Variants in PCED1B observed in about 807,000 individuals in gnomAD.
PCED1B encodes the protein PC-esterase domain containing 1B.
For missense variants in PCED1B, 573 were observed against 573.9 expected, an observed-to-expected ratio of 1.00 and a Z score of 0.02; for synonymous variants, 251 against 246.1, an observed-to-expected ratio of 1.02 and a Z score of -0.19.
At chr12:47,098,269 G>A (rs548680940) in intron 1 of PCED1B, among the ~76,000 whole-genome samples, 62 of 152,230 alleles carry the variant, frequency 4.1e-4, no homozygotes, top group Middle Eastern at 3.4e-3. Flanking sequence ...CAGAAACTAC[G>A]GTCAGTGACT....
At position 47,228,358 on chromosome 12, in the gene PCED1B, G is replaced by A. The variant is rs560525807; in HGVS notation, c.-57-6649G>A. Reference sequence around the variant, plus strand: ...TCTTCTGAATTCAAGGTCTTTATGTGTTTTTATGTCTCTTGCTTGAGATTA... The same window carrying A: ...TCTTCTGAATTCAAGGTCTTTATGTATTTTTATGTCTCTTGCTTGAGATTA... On this transcript the variant is annotated intron_variant, in intron 3 of 3. Coordinates refer to ENST00000546455, the MANE Select transcript of PCED1B (RefSeq NM_138371.3). Among the ~76,000 whole-genome samples the A allele has an allele frequency of 1.2e-4, 19 of 152,126 alleles. No homozygotes were observed. The South Asian group carries it at 3.7e-3, about 30-fold the overall frequency.
intron 3 of PCED1B, among the ~76,000 whole-genome samples, chr12:47,232,563 C>T (rs1348661477): frequency 1.3e-5 from 2 of 152,052 alleles, no homozygotes; most frequent in Non-Finnish European, 2.9e-5. Flanking sequence ...AATTTCAAGC[C>T]GCACCGGATT....
At chr12:47,117,473 T>TTG (rs1192702289) in intron 2 of PCED1B, among the ~76,000 whole-genome samples, 2 of 152,216 alleles carry the variant, frequency 1.3e-5, no homozygotes, top group Admixed American at 6.5e-5. Flanking sequence ...ATGCGACAGT[T>TTG]TGCTCAGAAT....
In PCED1B at chr12:47,235,552, C is replaced by T. The variant is rs1943951644; in HGVS notation, c.489C>T (p.Asn163=). The change falls in exon 4 of 4, where the codon AAC becomes AAT. Residue 163 remains asparagine (N), a synonymous_variant. Coordinates refer to ENST00000546455, the MANE Select transcript of PCED1B (RefSeq NM_138371.3). The part of the protein sequence containing the change: ...VLPESCLLVW[N]TAMPVGEEVT... ...CCGAGTCTTGCCTCCTGGTGTGGAA[C>T]ACGGCCATGCCTGTGGGCGAGGAAG... 2 of 1,610,564 alleles carry T rather than the reference C, an allele frequency of 1.2e-6. No homozygotes were observed. Among genetic ancestry groups the T allele is most frequent in the Non-Finnish European group, 1.7e-6 (2 of 1,177,744 alleles).
intron 2 of PCED1B, among the ~76,000 whole-genome samples, chr12:47,120,999 G>T (rs868516695): frequency 6.6e-6 from 1 of 152,028 alleles, no homozygotes; most frequent in Non-Finnish European, 1.5e-5. Flanking sequence ...AAAAAATGGC[G>T]GTATAGAAAA....
At chr12:47,222,422 C>CAAA (rs750444043) in intron 3 of PCED1B, among the ~76,000 whole-genome samples, 4,602 of 81,268 alleles carry the variant, frequency 0.057, 344 homozygotes, top group African/African-American at 0.18. Context: ...AACTCCATCT[C>CAAA]AAAAAAAAAA....
rs149566121 is a variant in PCED1B, at chr12:47,169,311, C to T, written c.-525-46911C>T. On this transcript the variant is annotated intron_variant, in intron 2 of 3. Transcript: ENST00000546455. Reference sequence around the variant, plus strand: ...CAACATCCCTCCATCTTCCCATCTTCGGTGATAAAGGTGTCCTTCTCTCTG... The same window carrying T: ...CAACATCCCTCCATCTTCCCATCTTTGGTGATAAAGGTGTCCTTCTCTCTG... Among the ~76,000 whole-genome samples the T allele has an allele frequency of 4.2e-3, 645 of 152,230 alleles. 6 individuals carry two copies. Among genetic ancestry groups the T allele is most frequent in the African/African-American group, 0.013 (550 of 41,530 alleles).
chr12:47,205,502 G>T (rs1447310445), intron 2 of PCED1B, among the ~76,000 whole-genome samples: 2 of 152,162 alleles, frequency 1.3e-5, no homozygotes, highest in Non-Finnish European at 2.9e-5. Context: ...GCAAAGGGCT[G>T]TTACCGTCTT....
At chr12:47,198,280 T>C (rs545960832) in intron 2 of PCED1B, among the ~76,000 whole-genome samples, 42 of 152,238 alleles carry the variant, frequency 2.8e-4, no homozygotes, top group Non-Finnish European at 4.9e-4. Context: ...ATCAATAGGC[T>C]AAAGAAGAAA....
intron 2 of PCED1B, among the ~76,000 whole-genome samples, chr12:47,200,783 G>C (rs1489218772): frequency 1.3e-5 from 2 of 152,204 alleles, no homozygotes; most frequent in Non-Finnish European, 2.9e-5. Context: ...AGTAACGCTA[G>C]GCCATGTCAG....
intron 2 of PCED1B, among the ~76,000 whole-genome samples, chr12:47,144,120 C>T (rs1940698295): frequency 6.6e-6 from 1 of 152,184 alleles, no homozygotes; most frequent in Admixed American, 6.5e-5. Context: ...ACTAGCACCA[C>T]ATGAATGCCA....
Position 47,217,476 on chromosome 12 carries a change from G to GAAAAAGAAGAA in PCED1B, c.-58+790_-58+791insAAGAAGAAAAA, listed in dbSNP as rs765967984. The stretch of plus-strand genomic sequence containing the variant: ...AGAAAGAAAAAGAAAGAAAGAGAAA[G>GAAAAAGAAGAA]AAAGAAAGAAAGAAAGAAAGAAAGA... On this transcript the variant is annotated intron_variant, in intron 3 of 3. Coordinates refer to ENST00000546455, the MANE Select transcript of PCED1B (RefSeq NM_138371.3). 3.0e-5 allele frequency among the ~76,000 whole-genome samples: 3 copies of GAAAAAGAAGAA among 100,166 alleles called. No individual in the cohort carries two copies. In the South Asian group the frequency reaches 8.9e-4, roughly 30 times the overall value. 65.7% of individuals were successfully genotyped at this position (100,166 alleles called of 152,430 possible).
intron 2 of PCED1B, among the ~76,000 whole-genome samples, chr12:47,158,281 C>A (rs1252834878): frequency 2.6e-5 from 4 of 152,196 alleles, no homozygotes; most frequent in Non-Finnish European, 5.9e-5. Flanking sequence ...TCCAATTTCT[C>A]CATATCCTTG....
intron 2 of PCED1B, among the ~76,000 whole-genome samples, chr12:47,133,065 G>A (rs1440013097): frequency 1.3e-5 from 2 of 151,956 alleles, no homozygotes; most frequent in African/African-American, 4.8e-5. Flanking sequence ...TCTTACAAAG[G>A]GGACTGTATT....
chr12:47,190,866 G>C (rs1025310246), intron 2 of PCED1B, among the ~76,000 whole-genome samples: 1 of 152,184 alleles, frequency 6.6e-6, no homozygotes, highest in African/African-American at 2.4e-5. Context: ...TTACGAGTAA[G>C]GTAGATATGT....
intron 2 of PCED1B, among the ~76,000 whole-genome samples, chr12:47,123,441 T>C (rs10219594): frequency 0.021 from 3,131 of 152,204 alleles, 110 homozygotes; most frequent in African/African-American, 0.071. Flanking sequence ...ATGACATCAA[T>C]TATCTATAGA....
chr12:47,148,845 T>G (rs569428438), intron 2 of PCED1B, among the ~76,000 whole-genome samples: 83 of 152,364 alleles, frequency 5.4e-4, no homozygotes, highest in Non-Finnish European at 8.5e-4. Flanking sequence ...AGTATCTCTG[T>G]TACCAGAGGG....
chr12:47,100,211 T>C (rs1938643449), intron 1 of PCED1B, among the ~76,000 whole-genome samples: 1 of 152,214 alleles, frequency 6.6e-6, no homozygotes. Context: ...AAGGGTAGTA[T>C]TCAGAACACT....
intron 2 of PCED1B, among the ~76,000 whole-genome samples, chr12:47,136,108 T>C (rs995490740): frequency 8.6e-6 from 1 of 116,580 alleles, no homozygotes; most frequent in African/African-American, 3.4e-5. Context: ...TTTGGCCAAT[T>C]TGATAGATAT....
Sources: gnomAD v4.1 joint callset for allele counts (sites outside exome capture counted in the v4.1 genomes callset) on GRCh38, gnomAD v4.1.1 for gene constraint, MANE v1.5 for transcripts, NCBI Gene and HGNC (gene_info 2026-07-23, HGNC 2026-07-21) for gene names.